MGMT: variants seen among roughly 807,000 people sequenced by gnomAD.
MGMT encodes the protein methylated-DNA--protein-cysteine methyltransferase.
Under a neutral mutation model 15.9 loss-of-function variants are expected in MGMT, and 14 were observed. That is an observed-to-expected ratio of 0.88 (90% CI 0.58 to 1.37). The LOEUF is 1.37. Ranked by LOEUF, MGMT falls within the 40% of genes most tolerant of loss-of-function variation. The pLI is 0.00. For synonymous variants in MGMT, 130 were observed against 118.2 expected (o/e 1.10, Z -0.65); for missense variants, 282 against 268.1 (o/e 1.05, Z -0.36).
chr10:129,532,468 A>G lies in MGMT; in HGVS notation c.-12-3773A>G, dbSNP rs1199168317. Among the ~76,000 whole-genome samples, 1 of 152,080 alleles carries G rather than the reference A, an allele frequency of 6.6e-6. No homozygotes were observed. Among genetic ancestry groups the G allele is most frequent in the Admixed American group, 6.6e-5 (1 of 15,266 alleles). ...AACCTTGAGGACTCCTCTCTCCGGG[A>G]GACTGTCGGGGCTAAGCTGCCTGTG... On this transcript the variant is annotated intron_variant, in intron 1 of 4. Coordinates refer to ENST00000651593, the MANE Select transcript of MGMT (RefSeq NM_002412.5). This position sits in a 1 kb window ranked among gnomAD's most constrained non-coding sequence, Gnocchi z 5.3.
intron 2 of MGMT, among the ~76,000 whole-genome samples, chr10:129,655,277 C>T (rs1425027269): frequency 1.3e-5 from 2 of 152,220 alleles, no homozygotes; most frequent in African/African-American, 4.8e-5. Context: ...TGAGCAGCCT[C>T]ACTGGCCTGG....
intron 2 of MGMT, among the ~76,000 whole-genome samples, chr10:129,645,926 C>G (rs2133093332): frequency 6.6e-6 from 1 of 152,298 alleles, no homozygotes; most frequent in Non-Finnish European, 1.5e-5. Context: ...TCTTGCTAAC[C>G]AGCAGACCAC....
chr10:129,518,296 A>G (rs180903092), intron 1 of MGMT, among the ~76,000 whole-genome samples: 1 of 150,878 alleles, frequency 6.6e-6, no homozygotes, highest in Non-Finnish European at 1.5e-5. Flanking sequence ...AATCTTAAAG[A>G]TGAGAAAATT....
intron 2 of MGMT, among the ~76,000 whole-genome samples, chr10:129,631,357 C>G (rs1236296094): frequency 6.6e-6 from 1 of 152,090 alleles, no homozygotes; most frequent in Non-Finnish European, 1.5e-5. Flanking sequence ...ATATGTTGTT[C>G]AAATGATGAG....
At chr10:129,711,131 A>G (rs1848228131) in intron 3 of MGMT, among the ~76,000 whole-genome samples, 1 of 152,178 alleles carries the variant, frequency 6.6e-6, no homozygotes, top group Non-Finnish European at 1.5e-5. Flanking sequence ...CTGCTGCTGA[A>G]AGACCCTCTC....
At chr10:129,686,263 G>T in intron 2 of MGMT, among the ~76,000 whole-genome samples, 1 of 146,900 alleles carries the variant, frequency 6.8e-6, no homozygotes, top group East Asian at 2.0e-4. Flanking sequence ...TCAGGGGAAA[G>T]AAAAAAAAAA....
chr10:129,732,550 A>AT (rs928426402), intron 3 of MGMT, among the ~76,000 whole-genome samples: 10 of 149,082 alleles, frequency 6.7e-5, no homozygotes, highest in Non-Finnish European at 1.0e-4. Flanking sequence ...TTTTTTTGGC[A>AT]TTTTTTTTAA....
intron 2 of MGMT, among the ~76,000 whole-genome samples, chr10:129,644,078 C>T (rs1473143742): frequency 6.6e-6 from 1 of 152,198 alleles, no homozygotes; most frequent in African/African-American, 2.4e-5. Context: ...CCCGGTCTAA[C>T]CCATCATGCT....
intron 2 of MGMT, among the ~76,000 whole-genome samples, chr10:129,706,857 G>A (rs879382822): frequency 5.9e-5 from 9 of 152,088 alleles, no homozygotes; most frequent in African/African-American, 9.7e-5. Flanking sequence ...CCACCAGGTC[G>A]AAGCCACAGA....
intron 2 of MGMT, among the ~76,000 whole-genome samples, chr10:129,661,092 T>G (rs1467755291): frequency 6.6e-6 from 1 of 152,214 alleles, no homozygotes; most frequent in African/African-American, 2.4e-5. Flanking sequence ...AGTATATTCT[T>G]TTGTGAGTAG....
chr10:129,522,292 G>A (rs1845819992), intron 1 of MGMT, among the ~76,000 whole-genome samples: 1 of 152,216 alleles, frequency 6.6e-6, no homozygotes, highest in African/African-American at 2.4e-5. Flanking sequence ...GCTGGGAGAG[G>A]AGGGGCTTAC....
intron 3 of MGMT, among the ~76,000 whole-genome samples, chr10:129,758,457 G>A (rs552737091): frequency 6.6e-5 from 10 of 152,062 alleles, no homozygotes; most frequent in Admixed American, 5.9e-4. Flanking sequence ...GCGTGCCCCA[G>A]TTTCTCTCCC....
chr10:129,609,379 T>G (rs1489887784), intron 2 of MGMT, among the ~76,000 whole-genome samples: 2 of 150,310 alleles, frequency 1.3e-5, no homozygotes, highest in African/African-American at 4.9e-5. Context: ...CCCATCCGGA[T>G]GATAGAGGTG....
rs184089882 is a variant in MGMT, at chr10:129,723,503, C to T, written c.274+15460C>T. Among the ~76,000 whole-genome samples the T allele has an allele frequency of 1.5e-4, 23 of 152,244 alleles. No homozygotes were observed. The East Asian group carries it at 3.9e-3, about 25-fold the overall frequency. The stretch of plus-strand genomic sequence containing the variant: ...TGAGTATTTTTCTGATTTGGGTAGG[C>T]ACACATTTCTTATAACACCAAAATA... On this transcript the variant is annotated intron_variant, in intron 3 of 4. Coordinates refer to ENST00000651593, the MANE Select transcript of MGMT (RefSeq NM_002412.5).
chr10:129,610,339 T>C (rs1023258755), intron 2 of MGMT, among the ~76,000 whole-genome samples: 16 of 152,202 alleles, frequency 1.1e-4, no homozygotes, highest in African/African-American at 3.4e-4. Context: ...ACCCTTTCTC[T>C]CTAAACTCCT....
intron 2 of MGMT, among the ~76,000 whole-genome samples, chr10:129,657,509 G>A (rs1401187751): frequency 1.3e-5 from 2 of 151,902 alleles, no homozygotes; most frequent in Non-Finnish European, 2.9e-5. Flanking sequence ...GAAGAAACAG[G>A]TAAAATACAG....
intron 3 of MGMT, among the ~76,000 whole-genome samples, chr10:129,729,358 G>GCCCT (rs1394719575): frequency 1.3e-5 from 2 of 152,270 alleles, no homozygotes; most frequent in East Asian, 3.9e-4. Flanking sequence ...TGGCCCCTCT[G>GCCCT]CCCTCAATGA....
intron 1 of MGMT, among the ~76,000 whole-genome samples, chr10:129,528,136 A>C (rs1256185935): frequency 6.6e-6 from 1 of 152,126 alleles, no homozygotes; most frequent in Non-Finnish European, 1.5e-5. Context: ...TTCAACATAT[A>C]TTTGCTGAGA....
intron 2 of MGMT, among the ~76,000 whole-genome samples, chr10:129,549,490 C>T (rs762234694): frequency 3.9e-5 from 6 of 152,176 alleles, no homozygotes; most frequent in Non-Finnish European, 8.8e-5. Context: ...AAAATATAAG[C>T]AATAAAATGT....
Sources: allele counts gnomAD v4.1 joint callset (sites outside exome capture counted in the v4.1 genomes callset), GRCh38; gene constraint gnomAD v4.1.1; non-coding constraint Gnocchi (gnomAD v3.1); transcripts MANE v1.5; gene names NCBI Gene and HGNC (gene_info 2026-07-23, HGNC 2026-07-21).